RUNX1T1: variants seen among roughly 807,000 people sequenced by gnomAD.
RUNX1T1 encodes RUNX1 partner transcriptional co-repressor 1, also known as protein CBFA2T1.
Under a neutral mutation model 62.8 loss-of-function variants are expected in RUNX1T1, and 4 were observed. The ratio of observed to expected loss-of-function variants is 0.06; its 90% confidence interval spans 0.03 to 0.15. RUNX1T1 has a LOEUF of 0.15. RUNX1T1 is among the 10% of genes least tolerant of loss of function. The pLI is 1.00. For synonymous variants in RUNX1T1, 291 were observed against 286.0 expected, an observed-to-expected ratio of 1.02 and a Z score of -0.18; for missense variants, 508 against 754.3, an observed-to-expected ratio of 0.67 and a Z score of 3.82.
intron 8 of RUNX1T1, chr8:91,979,735 A>G: frequency 2.2e-6 from 1 of 447,144 alleles, no homozygotes; most frequent in East Asian, 4.5e-5. Context: ...AGAAAGAGCA[A>G]TCTATGATGT....
At chr8:92,049,628 C>T (rs1003367661) in intron 1 of RUNX1T1, among the ~76,000 whole-genome samples, 1 of 152,154 alleles carries the variant, frequency 6.6e-6, no homozygotes, top group African/African-American at 2.4e-5. Flanking sequence ...AAACACAAAA[C>T]AATCTACCAA....
At chr8:91,991,670 G>A (rs1817698962) in exon 6 of RUNX1T1, 1 of 1,613,974 alleles carries the variant, frequency 6.2e-7, no homozygotes, top group Admixed American at 1.7e-5. Context: ...TGAGGTCCCT[G>A]TGGCTGGGGT....
At chr8:92,004,603 C>A (rs1325446264) in intron 5 of RUNX1T1, 2 of 152,324 alleles carry the variant, frequency 1.3e-5, no homozygotes, top group Non-Finnish European at 2.9e-5. Flanking sequence ...TAACTCTTAT[C>A]TTCACTCAGT....
At chr8:92,026,058 A>C (rs1364380981) in intron 1 of RUNX1T1, among the ~76,000 whole-genome samples, 2 of 152,246 alleles carry the variant, frequency 1.3e-5, no homozygotes, top group Admixed American at 1.3e-4. Flanking sequence ...AGAAAAGCAT[A>C]TTGTGAACCA....
chr8:91,960,902 AT>A (rs1490165378), intron 10 of RUNX1T1, among the ~76,000 whole-genome samples: 8 of 152,258 alleles, frequency 5.3e-5, no homozygotes, highest in African/African-American at 1.9e-4. Flanking sequence ...ACACAGAGAT[AT>A]ATCTGAGCAG....
At chr8:92,011,932 C>G (rs1049711658) in intron 3 of RUNX1T1, among the ~76,000 whole-genome samples, 3 of 152,110 alleles carry the variant, frequency 2.0e-5, no homozygotes, top group African/African-American at 4.8e-5. Flanking sequence ...TCATTTCATT[C>G]GTTTTCTTTA....
intron 6 of RUNX1T1, 93 bp from the exon 8 acceptor site, chr8:91,987,065 C>A: frequency 1.2e-6 from 1 of 805,940 alleles, no homozygotes; most frequent in East Asian, 2.5e-5. Context: ...TGGGCAAACT[C>A]GATGTAAAAA....
chr8:91,968,457 T>C (rs1812103339), intron 10 of RUNX1T1, among the ~76,000 whole-genome samples: 1 of 152,134 alleles, frequency 6.6e-6, no homozygotes, highest in Non-Finnish European at 1.5e-5. Context: ...GAACAATCCA[T>C]AAAATACTTA....
chr8:91,971,665 T>C (rs756010502), intron 9 of RUNX1T1, among the ~76,000 whole-genome samples: 4 of 152,340 alleles, frequency 2.6e-5, no homozygotes, highest in Admixed American at 6.5e-5. Context: ...TTTTAAGCTG[T>C]TGTCCATTTA....
chr8:92,090,088 G>T (rs1836757121), intron 1 of RUNX1T1, among the ~76,000 whole-genome samples: 1 of 151,772 alleles, frequency 6.6e-6, no homozygotes, highest in African/African-American at 2.4e-5. Context: ...ATTTGCCTGA[G>T]GGCTGGAATG....
chr8:91,991,306 A>T (rs1279458439), intron 6 of RUNX1T1, among the ~76,000 whole-genome samples: 2 of 152,214 alleles, frequency 1.3e-5, no homozygotes. Context: ...CTGCATATGA[A>T]GTCTCATGTT....
chr8:92,067,979 T>G (rs1314831523), intron 2 of RUNX1T1, among the ~76,000 whole-genome samples: 1 of 152,214 alleles, frequency 6.6e-6, no homozygotes, highest in Non-Finnish European at 1.5e-5. Flanking sequence ...TTAAACATAC[T>G]ATAATAATAC....
At chr8:92,016,431 C>T (rs1302802125) in intron 2 of RUNX1T1, among the ~76,000 whole-genome samples, 1 of 152,172 alleles carries the variant, frequency 6.6e-6, no homozygotes, top group East Asian at 1.9e-4. Context: ...AATCCCAGCA[C>T]TTTGGGAGGC....
chr8:91,960,047 T>G, exon 11 of RUNX1T1: 1 of 608,984 alleles, frequency 1.6e-6, no homozygotes, highest in South Asian at 2.0e-5. Context: ...AATAAGTCAT[T>G]ACGACCCGTT....
chr8:92,103,197 G>C, upstream of RUNX1T1: 1 of 329,832 alleles, frequency 3.0e-6, no homozygotes, highest in East Asian at 4.5e-5. Context: ...CCGCTTTTCT[G>C]TTGTTGCTGC....
chr8:91,981,404 C>CTTTTTTT lies in RUNX1T1; in HGVS notation c.1198+4713_1198+4719dup, dbSNP rs67366711. Among the ~76,000 whole-genome samples, 53 of 63,882 alleles carry CTTTTTTT rather than the reference C, an allele frequency of 8.3e-4. 7 individuals are homozygous for CTTTTTTT. The highest frequency in any genetic ancestry group is 1.1e-3 in the African/African-American group (17 of 16,010). 41.9% of individuals were successfully genotyped at this position (63,882 alleles called of 152,430 possible). ...TTCAACAAACTCCTAAGTTACTAAG[C>CTTTTTTT]TTTTTTTTTTTTTTTTTTTTTTTTT... On this transcript the variant is annotated intron_variant, in intron 8 of 10. Transcript: ENST00000396218.
At chr8:92,032,675 A>G (rs1356170755) in intron 1 of RUNX1T1, among the ~76,000 whole-genome samples, 1 of 152,194 alleles carries the variant, frequency 6.6e-6, no homozygotes, top group Non-Finnish European at 1.5e-5. Flanking sequence ...AGTGCTCTGC[A>G]CAGCTAGGAA....
At chr8:92,007,456 C>A (rs1311847861) in intron 4 of RUNX1T1, among the ~76,000 whole-genome samples, 1 of 151,394 alleles carries the variant, frequency 6.6e-6, no homozygotes, top group African/African-American at 2.4e-5. Flanking sequence ...CAGAGCGAGA[C>A]TCAGTCTAAT....
chr8:92,038,170 C>G (rs1827778326), intron 1 of RUNX1T1, among the ~76,000 whole-genome samples: 1 of 152,118 alleles, frequency 6.6e-6, no homozygotes, highest in South Asian at 2.1e-4. Flanking sequence ...CCACCTCAGC[C>G]TCCCGGGTAG....
Sources: gnomAD v4.1 joint callset for allele counts (sites outside exome capture counted in the v4.1 genomes callset) on GRCh38, gnomAD v4.1.1 for gene constraint, MANE v1.5 for transcripts, NCBI Gene and HGNC (gene_info 2026-07-23, HGNC 2026-07-21) for gene names.